Variants in CTNND2 observed in about 807,000 individuals in gnomAD.
The protein encoded by CTNND2 is catenin delta 2, also known as catenin delta-2.
Under a neutral mutation model 144.4 loss-of-function variants are expected in CTNND2, and 22 were observed. The observed-to-expected ratio is 0.15, with a 90% CI of 0.11 to 0.22. The LOEUF (loss-of-function observed/expected upper bound fraction) is 0.22, where lower values mean the gene tolerates loss of function less well. Ranked by LOEUF, CTNND2 falls within the 10% of genes least tolerant of loss-of-function variation. CTNND2 has a pLI of 1.00. For missense variants in CTNND2, 1,353 were observed against 1,618.8 expected (o/e 0.84, Z 2.82); for synonymous variants, 751 against 695.6 (o/e 1.08, Z -1.25).
intron 1 of CTNND2, among the ~76,000 whole-genome samples, chr5:11,846,450 G>T (rs796848067): frequency 6.6e-6 from 1 of 152,096 alleles, no homozygotes; most frequent in South Asian, 2.1e-4. Flanking sequence ...ACTCTAAATA[G>T]ATGAAAGACT....
chr5:11,277,183 A>T (rs1746625851), intron 9 of CTNND2, among the ~76,000 whole-genome samples: 1 of 152,148 alleles, frequency 6.6e-6, no homozygotes, highest in South Asian at 2.1e-4. Flanking sequence ...AAATATTTTT[A>T]AAATAATCTT....
intron 13 of CTNND2, among the ~76,000 whole-genome samples, chr5:11,116,982 C>G (rs904384878): frequency 6.6e-6 from 1 of 151,968 alleles, no homozygotes; most frequent in Non-Finnish European, 1.5e-5. Flanking sequence ...TCACTTGATC[C>G]CAGGAGGTGG....
At chr5:11,711,932 G>C (rs531585645) in intron 2 of CTNND2, among the ~76,000 whole-genome samples, 1 of 152,240 alleles carries the variant, frequency 6.6e-6, no homozygotes, top group Non-Finnish European at 1.5e-5. Context: ...CTGGATCACA[G>C]TAAGTCCTCA....
At chr5:11,055,525 G>A (rs1024751264) in intron 16 of CTNND2, among the ~76,000 whole-genome samples, 5 of 152,102 alleles carry the variant, frequency 3.3e-5, no homozygotes, top group Non-Finnish European at 7.3e-5. Context: ...ACCCATACCC[G>A]TTCAGTGAGT....
rs567305602 is a variant in CTNND2 at position 11,685,137 on chromosome 5, A to G, written c.174+46999T>C. 1.2e-4 allele frequency among the ~76,000 whole-genome samples: 19 copies of G among 152,328 alleles called. No homozygotes were observed. In the East Asian group the frequency reaches 3.3e-3, roughly 26 times the overall value. ...GTTACTTTAGAAAGTAGATTACCAC[A>G]AAAAGAAAAACAGTACTATGTTGAC... On this transcript the variant is annotated intron_variant, in intron 2 of 21. Coordinates refer to ENST00000304623, the MANE Select transcript of CTNND2 (RefSeq NM_001332.4).
At chr5:11,691,421 A>G (rs573535426) in intron 2 of CTNND2, among the ~76,000 whole-genome samples, 1 of 151,828 alleles carries the variant, frequency 6.6e-6, no homozygotes, top group South Asian at 2.1e-4. Flanking sequence ...AATAAAAAAT[A>G]AGAAATGATA....
intron 12 of CTNND2, among the ~76,000 whole-genome samples, chr5:11,120,777 G>A (rs112891849): frequency 3.4e-5 from 5 of 148,900 alleles, no homozygotes; most frequent in South Asian, 2.1e-4. Context: ...TGAAGAGGGC[G>A]TTATCATACT....
At chr5:11,040,619 T>G (rs557719401) in intron 16 of CTNND2, among the ~76,000 whole-genome samples, 2 of 152,188 alleles carry the variant, frequency 1.3e-5, no homozygotes, top group East Asian at 3.8e-4. Flanking sequence ...GGCTGAGATA[T>G]GCATATTTAA....
At chr5:11,264,766 C>A (rs1580745295) in intron 9 of CTNND2, among the ~76,000 whole-genome samples, 1 of 151,984 alleles carries the variant, frequency 6.6e-6, no homozygotes, top group Non-Finnish European at 1.5e-5. Flanking sequence ...CCTGTCTGTA[C>A]TAAAAATACA....
At chr5:11,609,025 G>A (rs577882641) in intron 2 of CTNND2, among the ~76,000 whole-genome samples, 215 of 152,134 alleles carry the variant, frequency 1.4e-3, no homozygotes, top group African/African-American at 4.6e-3. Flanking sequence ...CCACGTTTTC[G>A]TCACATGGCT....
chr5:11,454,245 C>T (rs995981950), intron 3 of CTNND2, among the ~76,000 whole-genome samples: 2 of 152,054 alleles, frequency 1.3e-5, no homozygotes, highest in Non-Finnish European at 2.9e-5. Flanking sequence ...CATGGTGAAA[C>T]CCCATCTCTA....
At position 11,903,212 on chromosome 5, in the gene CTNND2, T is replaced by C; in HGVS notation, c.37+605A>G. 1.0e-6 allele frequency: 1 copy of C among 985,454 alleles called. No homozygotes were observed. The highest frequency in any genetic ancestry group is 1.2e-6 in the Non-Finnish European group (1 of 829,978). 61.0% of individuals were successfully genotyped at this position (985,454 alleles called of 1,614,324 possible). On this transcript the variant is annotated intron_variant, in intron 1 of 21. Transcript: ENST00000304623. This position sits in a 1 kb window ranked among gnomAD's most constrained non-coding sequence, Gnocchi z 5.4. ...CGCTTTCTGGAGCCTGGCTGTCTAT[T>C]GTCAGCACGCAGAAGCCCCCGAAAC...
chr5:11,276,552 T>G (rs1746549517), intron 9 of CTNND2, among the ~76,000 whole-genome samples: 2 of 152,214 alleles, frequency 1.3e-5, no homozygotes, highest in South Asian at 4.1e-4. Context: ...TCCCATCCAG[T>G]CTCACGACTT....
chr5:11,522,143 G>C (rs951349905), intron 3 of CTNND2, among the ~76,000 whole-genome samples: 4 of 152,226 alleles, frequency 2.6e-5, no homozygotes, highest in African/African-American at 9.7e-5. Context: ...CTGTTAAATA[G>C]AGAGCACTTA....
intron 7 of CTNND2, 78 bp from the exon 8 acceptor site, chr5:11,364,968 A>AT: frequency 3.1e-6 from 4 of 1,272,980 alleles, no homozygotes; most frequent in Non-Finnish European, 4.4e-6. Context: ...ACATATTCAA[A>AT]TTTTTTTGGA....
At chr5:11,761,592 G>A in intron 1 of CTNND2, among the ~76,000 whole-genome samples, 1 of 152,058 alleles carries the variant, frequency 6.6e-6, no homozygotes, top group East Asian at 1.9e-4. Context: ...TATTGGATTT[G>A]AATTTATTGT....
chr5:11,746,333 GAT>G (rs1010061983), intron 1 of CTNND2, among the ~76,000 whole-genome samples: 2 of 152,000 alleles, frequency 1.3e-5, no homozygotes, highest in African/African-American at 4.8e-5. Context: ...AGTCCTAATG[GAT>G]GCATTTCTTC....
At chr5:11,493,576 A>G (rs1466003466) in intron 3 of CTNND2, among the ~76,000 whole-genome samples, 1 of 152,224 alleles carries the variant, frequency 6.6e-6, no homozygotes, top group Non-Finnish European at 1.5e-5. Context: ...CAAGCACAAT[A>G]TTGCTGCTTT....
At chr5:11,270,390 C>T (rs1745874568) in intron 9 of CTNND2, among the ~76,000 whole-genome samples, 3 of 151,254 alleles carry the variant, frequency 2.0e-5, no homozygotes, top group African/African-American at 7.3e-5. Context: ...AAATACCACA[C>T]ATAACAACTA....
Sources: gnomAD v4.1 joint callset for allele counts (sites outside exome capture counted in the v4.1 genomes callset) on GRCh38, gnomAD v4.1.1 for gene constraint, Gnocchi (gnomAD v3.1) non-coding constraint, MANE v1.5 for transcripts, NCBI Gene and HGNC (gene_info 2026-07-23, HGNC 2026-07-21) for gene names.